The following CLASP2 variants were observed in gnomAD, a reference collection of about 807,000 sequenced individuals.
CLASP2 encodes CLIP-associating protein 2.
Under a neutral mutation model 194.4 loss-of-function variants are expected in CLASP2, and 47 were observed. That is an observed-to-expected ratio of 0.24 (90% CI 0.19 to 0.31). The LOEUF (loss-of-function observed/expected upper bound fraction) is 0.31. Ranked by LOEUF, CLASP2 falls within the 10% of genes least tolerant of loss-of-function variation. CLASP2 has a pLI of 1.00. For synonymous variants in CLASP2, 619 were observed against 633.5 expected, an observed-to-expected ratio of 0.98 and a Z score of 0.34; for missense variants, 1,445 against 1,823.6, an observed-to-expected ratio of 0.79 and a Z score of 3.78.
chr3:33,635,300 C>T (rs935118975), intron 8 of CLASP2, among the ~76,000 whole-genome samples: 7 of 151,854 alleles, frequency 4.6e-5, no homozygotes, highest in South Asian at 4.2e-4. Flanking sequence ...ATGAAATAAA[C>T]GGAGAGATAT....
At chr3:33,712,505 T>C (rs1189554891) in intron 1 of CLASP2, among the ~76,000 whole-genome samples, 1 of 151,966 alleles carries the variant, frequency 6.6e-6, no homozygotes, top group Non-Finnish European at 1.5e-5. Flanking sequence ...ACTGAAATTA[T>C]AATAAATTTT....
chr3:33,687,041 A>G lies in CLASP2; in HGVS notation c.546+19T>C. The G allele has an allele frequency of 6.9e-7, 1 of 1,457,340 alleles. No individual in the cohort carries two copies. Among genetic ancestry groups the G allele is most frequent in the Non-Finnish European group, 9.3e-7 (1 of 1,071,578 alleles). 90.3% of individuals were successfully genotyped at this position (1,457,340 alleles called of 1,614,324 possible). ...TAGCCAAAAAATCAGTCAATGCTTG[A>G]ATGTAAATAAAATTTTACCTGACTG... On this transcript the variant is annotated intron_variant, in intron 5 of 38. Transcript: ENST00000682230.
intron 29 of CLASP2, among the ~76,000 whole-genome samples, chr3:33,554,225 CA>C (rs58168943): frequency 0.017 from 1,525 of 88,892 alleles, 23 homozygotes; most frequent in African/African-American, 0.061. Context: ...GAAACTGTCT[CA>C]AAAAAAAAAA....
chr3:33,607,889 A>C (rs2154261664), intron 14 of CLASP2, among the ~76,000 whole-genome samples: 1 of 152,338 alleles, frequency 6.6e-6, no homozygotes, highest in South Asian at 2.1e-4. Context: ...ACGCAAAGAA[A>C]ACTTGAAATT....
At chr3:33,693,847 T>C (rs1358608994) in intron 2 of CLASP2, among the ~76,000 whole-genome samples, 2 of 151,100 alleles carry the variant, frequency 1.3e-5, no homozygotes, top group East Asian at 3.9e-4. Context: ...GAATAGGAGA[T>C]TAAAAGGAAA....
At chr3:33,670,865 T>C (rs77501276) in intron 6 of CLASP2, among the ~76,000 whole-genome samples, 2 of 152,198 alleles carry the variant, frequency 1.3e-5, no homozygotes, top group African/African-American at 4.8e-5. Flanking sequence ...AATCCTATCA[T>C]GTTTCCAGCA....
At position 33,584,883 on chromosome 3, in the gene CLASP2, G is replaced by T; in HGVS notation, c.2106C>A (p.Thr702=). 1 of 1,612,822 alleles carries T rather than the reference G, an allele frequency of 6.2e-7. No individual in the cohort carries two copies. Among genetic ancestry groups the T allele is most frequent in the Non-Finnish European group, 8.5e-7 (1 of 1,179,310 alleles). The change falls in exon 22 of 39, where the codon ACC becomes ACA. Residue 702 remains threonine (T), a synonymous_variant. Transcript: ENST00000682230. ...AGCTCACAGTGGACAGGGCTGTTGT[G>T]GTCAGAACTCTTCCTGGAGACCCAG... is the stretch of plus-strand genomic sequence containing the variant. The part of the protein sequence containing the change: ...SRSGSPGRVL[T]TTALSTVSSG...
At chr3:33,583,555 T>C (rs970704408) in intron 22 of CLASP2, among the ~76,000 whole-genome samples, 2 of 152,148 alleles carry the variant, frequency 1.3e-5, no homozygotes, top group Non-Finnish European at 2.9e-5. Context: ...AAAGCCAACT[T>C]ATGGAACAAG....
chr3:33,656,747 G>A (rs1339828054), intron 7 of CLASP2, among the ~76,000 whole-genome samples: 2 of 152,010 alleles, frequency 1.3e-5, no homozygotes, highest in South Asian at 2.1e-4. Context: ...AGACAAAATG[G>A]TTATGATATG....
chr3:33,655,819 T>C (rs2084074210), intron 7 of CLASP2, among the ~76,000 whole-genome samples: 1 of 152,206 alleles, frequency 6.6e-6, no homozygotes, highest in Non-Finnish European at 1.5e-5. Context: ...AAAGCCATGG[T>C]TATATCATCA....
chr3:33,645,446 A>G (rs2082112326), intron 7 of CLASP2: 3 of 689,812 alleles, frequency 4.3e-6, no homozygotes, highest in Non-Finnish European at 7.8e-6. Flanking sequence ...ACCACCACTG[A>G]GGTTTGTGCC....
At chr3:33,664,123 A>T (rs1406490177) in intron 6 of CLASP2, among the ~76,000 whole-genome samples, 1 of 152,214 alleles carries the variant, frequency 6.6e-6, no homozygotes, top group Admixed American at 6.5e-5. Flanking sequence ...ATGTACATTC[A>T]TTATAAAAGA....
At chr3:33,708,516 GTATA>G (rs1559703252) in intron 1 of CLASP2, among the ~76,000 whole-genome samples, 6 of 106,626 alleles carry the variant, frequency 5.6e-5, no homozygotes, top group African/African-American at 2.5e-4. Flanking sequence ...GTATATATAT[GTATA>G]TATGTATATA....
chr3:33,547,035 C>T (rs1225838165), intron 30 of CLASP2, among the ~76,000 whole-genome samples: 2 of 152,122 alleles, frequency 1.3e-5, no homozygotes, highest in African/African-American at 4.8e-5. Flanking sequence ...TGTATTTTTA[C>T]TATTGATATG....
At chr3:33,711,684 AC>A (rs746370027) in intron 1 of CLASP2, among the ~76,000 whole-genome samples, 16 of 150,946 alleles carry the variant, frequency 1.1e-4, no homozygotes, top group Admixed American at 3.3e-4. Flanking sequence ...GGAAAAAAAA[AC>A]CAAATTATCC....
At chr3:33,511,181 C>A (rs888962829) in intron 36 of CLASP2, among the ~76,000 whole-genome samples, 2 of 152,016 alleles carry the variant, frequency 1.3e-5, no homozygotes, top group South Asian at 4.2e-4. Context: ...TACAGGCATG[C>A]ACCATCATGC....
At chr3:33,649,805 A>G (rs1452589919) in intron 7 of CLASP2, among the ~76,000 whole-genome samples, 2 of 152,320 alleles carry the variant, frequency 1.3e-5, no homozygotes, top group East Asian at 3.9e-4. Flanking sequence ...TTGAAAGAGA[A>G]TAACAGAGAA....
intron 14 of CLASP2, 142 bp downstream of exon 14, chr3:33,608,425 A>G: frequency 1.4e-6 from 1 of 692,696 alleles, no homozygotes; most frequent in African/African-American, 1.8e-5. Flanking sequence ...GAGGAGCACA[A>G]CACCACCACA....
chr3:33,604,197 A>G lies in CLASP2; in HGVS notation c.1707T>C (p.Ser569=), dbSNP rs2073120696. 6.4e-7 allele frequency: 1 copy of G among 1,559,732 alleles called. No homozygotes were observed. The highest frequency in any genetic ancestry group is 1.9e-5 in the Admixed American group (1 of 52,298). The change falls in exon 17 of 39, where the codon TCT becomes TCC. Residue 569 remains serine, a synonymous_variant. Transcript: ENST00000682230. The stretch of plus-strand genomic sequence containing the variant: ...ATGGATTTGCTGTAGACCATTTGGA[A>G]GAAAAAGGGCGACTGCAAAGTATAA... The part of the protein sequence containing the change: ...SSQESLNRPF[S]SKWSTANPST...
Sources: allele counts gnomAD v4.1 joint callset (sites outside exome capture counted in the v4.1 genomes callset), GRCh38; gene constraint gnomAD v4.1.1; transcripts MANE v1.5; gene names NCBI Gene and HGNC (gene_info 2026-07-23, HGNC 2026-07-21).